Variants in PCDHGA3 observed in about 807,000 individuals in gnomAD.
The protein encoded by PCDHGA3 is protocadherin gamma-A3.
PCDHGA3 carries 40 observed loss-of-function variants against 58.5 expected under a neutral mutation model. That is an observed-to-expected ratio of 0.68 (90% confidence interval 0.53 to 0.89). The LOEUF (loss-of-function observed/expected upper bound fraction) is 0.89, where lower values mean the gene tolerates loss of function less well. Ranked by LOEUF, PCDHGA3 falls within the 40% of genes least tolerant of loss-of-function variation. The pLI, the probability that PCDHGA3 is intolerant of heterozygous loss-of-function variation, is 0.00. For synonymous variants in PCDHGA3, 530 were observed against 525.7 expected, an observed-to-expected ratio of 1.01 and a Z score of -0.11; for missense variants, 1,223 against 1,195.9, an observed-to-expected ratio of 1.02 and a Z score of -0.33.
chr5:141,356,626 G>A (rs1298780239), intron 1 of PCDHGA3: 1 of 1,614,166 alleles, frequency 6.2e-7, no homozygotes. Flanking sequence ...ATCTATGACT[G>A]CTCAAGACCC....
At chr5:141,392,891 C>T in intron 1 of PCDHGA3, 1 of 1,613,594 alleles carries the variant, frequency 6.2e-7, no homozygotes. Flanking sequence ...TGTGGGAAAT[C>T]GGGAGGGGAC....
chr5:141,383,267 T>G (rs1428207205), intron 1 of PCDHGA3: 1 of 1,613,726 alleles, frequency 6.2e-7, no homozygotes, highest in East Asian at 2.2e-5. Context: ...GACGTGGAAA[T>G]AATAGATATT....
chr5:141,468,055 T>G (rs2099156893), intron 1 of PCDHGA3, among the ~76,000 whole-genome samples: 1 of 152,096 alleles, frequency 6.6e-6, no homozygotes, highest in Admixed American at 6.5e-5. Flanking sequence ...CCGGGCACAG[T>G]GGCTCACACC....
In PCDHGA3 at chr5:141,370,188, T is replaced by G. The variant is rs1036214596; in HGVS notation, c.2424+23731T>G. ...AGAGGCGCCGGGTGCCGCTCTTGGCTAGTGCTGTGCAAAATATTGGCTCCT... is the reference window on the plus strand; with the variant it reads ...AGAGGCGCCGGGTGCCGCTCTTGGCGAGTGCTGTGCAAAATATTGGCTCCT... On this transcript the variant is annotated intron_variant, in intron 1 of 3. Transcript: ENST00000253812. 2.9e-4 allele frequency: 151 copies of G among 511,926 alleles called. 1 individual carries two copies. In the East Asian group the frequency reaches 4.2e-3, roughly 14 times the overall value. 31.7% of individuals were successfully genotyped at this position (511,926 alleles called of 1,614,324 possible).
intron 1 of PCDHGA3, among the ~76,000 whole-genome samples, chr5:141,449,753 C>T (rs1260240861): frequency 6.6e-6 from 1 of 151,246 alleles, no homozygotes; most frequent in East Asian, 1.9e-4. Context: ...ATTTTTATGA[C>T]ATTTGAGAGT....
At chr5:141,421,271 T>G in intron 1 of PCDHGA3, 1 of 1,612,330 alleles carries the variant, frequency 6.2e-7, no homozygotes, top group Non-Finnish European at 8.5e-7. Context: ...CGGCTGCTGC[T>G]GCTGCTGTGC....
chr5:141,510,978 G>A lies in PCDHGA3; in HGVS notation c.2604G>A (p.Gly868=), dbSNP rs2099883535. 1.2e-6 allele frequency: 2 copies of A among 1,614,160 alleles called. No homozygotes were observed. The change falls in exon 4 of 4, where the codon GGG becomes GGA. Residue 868 remains glycine, a synonymous_variant. Transcript: ENST00000253812. The part of the protein sequence containing the change: ...EAADGSSTLG[G]GAGTMGLSAR... Reference sequence around the variant, plus strand: ...CTGATGGGAGCTCCACCCTGGGAGGGGGTGCCGGCACCATGGGATTGAGCG... The same window carrying A: ...CTGATGGGAGCTCCACCCTGGGAGGAGGTGCCGGCACCATGGGATTGAGCG...
intron 1 of PCDHGA3, among the ~76,000 whole-genome samples, chr5:141,458,513 G>T (rs968604511): frequency 6.8e-6 from 1 of 146,128 alleles, no homozygotes; most frequent in Non-Finnish European, 1.5e-5. Flanking sequence ...TTGACACTTT[G>T]TTTTTTTTTT....
intron 1 of PCDHGA3, chr5:141,492,069 C>A (rs1595083522): frequency 2.1e-6 from 1 of 475,880 alleles, no homozygotes; most frequent in East Asian, 3.3e-5. Context: ...GCCTCCTAGG[C>A]GCCGGCTCCG....
chr5:141,499,402 A>G (rs2099791723), intron 2 of PCDHGA3, among the ~76,000 whole-genome samples: 2 of 152,212 alleles, frequency 1.3e-5, no homozygotes, highest in South Asian at 4.1e-4. Context: ...GTACATGCTC[A>G]TTATAGAAAC....
intron 1 of PCDHGA3, chr5:141,426,833 G>T: frequency 2.2e-6 from 1 of 456,680 alleles, no homozygotes; most frequent in Non-Finnish European, 4.4e-6. Flanking sequence ...TGATGGACAA[G>T]ACTAAAGGCA....
At chr5:141,429,408 T>A (rs2097213256) in intron 1 of PCDHGA3, among the ~76,000 whole-genome samples, 1 of 151,838 alleles carries the variant, frequency 6.6e-6, no homozygotes, top group Non-Finnish European at 1.5e-5. Flanking sequence ...GAGATTAAGG[T>A]CTCATTATGT....
chr5:141,450,107 A>G (rs1228532939), intron 1 of PCDHGA3, among the ~76,000 whole-genome samples: 3 of 150,976 alleles, frequency 2.0e-5, no homozygotes, highest in Non-Finnish European at 4.4e-5. Flanking sequence ...CCCAGGTTCA[A>G]ATGATTCTCC....
chr5:141,403,974 A>G (rs1351754228), intron 1 of PCDHGA3: 1 of 1,613,872 alleles, frequency 6.2e-7, no homozygotes, highest in African/African-American at 1.3e-5. Flanking sequence ...GAAGATGTAA[A>G]TGACAATAGA....
At chr5:141,375,610 C>T (rs748991083) in intron 1 of PCDHGA3, 1 of 1,614,224 alleles carries the variant, frequency 6.2e-7, no homozygotes, top group South Asian at 1.1e-5. Flanking sequence ...CCATCAACTC[C>T]GACACTGGGA....
At position 141,477,529 on chromosome 5, in the gene PCDHGA3, C is replaced by G; in HGVS notation, c.2425-17278C>G. ...ACGTTTACATTGAAGAAAACAACCT[C>G]CCCGGGGCTCCAATACTAAACCTAA... On this transcript the variant is annotated intron_variant, in intron 1 of 3. Transcript: ENST00000253812. The surrounding 1 kb of genome is among the most constrained non-coding windows in gnomAD (Gnocchi z 4.9). 6.2e-7 allele frequency: 1 copy of G among 1,614,172 alleles called. No homozygotes were observed. The highest frequency in any genetic ancestry group is 8.5e-7 in the Non-Finnish European group (1 of 1,180,032).
intron 1 of PCDHGA3, chr5:141,402,950 G>A (rs992704558): frequency 2.5e-6 from 4 of 1,596,662 alleles, no homozygotes; most frequent in Non-Finnish European, 3.4e-6. Flanking sequence ...AAGCGAGGCA[G>A]CAATGGCAGC....
intron 1 of PCDHGA3, among the ~76,000 whole-genome samples, chr5:141,470,290 C>T (rs1226383020): frequency 1.3e-5 from 2 of 152,148 alleles, no homozygotes; most frequent in Non-Finnish European, 2.9e-5. Context: ...TATTGGTTAA[C>T]TGTTTTTATT....
chr5:141,506,742 A>G (rs1475692668), intron 3 of PCDHGA3, among the ~76,000 whole-genome samples: 5 of 152,172 alleles, frequency 3.3e-5, no homozygotes, highest in Non-Finnish European at 7.3e-5. Context: ...AATGCCTATT[A>G]ATAAAGACTA....
Sources: allele counts gnomAD v4.1 joint callset (sites outside exome capture counted in the v4.1 genomes callset), GRCh38; gene constraint gnomAD v4.1.1; non-coding constraint Gnocchi (gnomAD v3.1); transcripts MANE v1.5; gene names NCBI Gene and HGNC (gene_info 2026-07-23, HGNC 2026-07-21).